Variants in GCN1 observed in about 807,000 individuals in gnomAD.
The protein encoded by GCN1 is stalled ribosome sensor GCN1.
Under a neutral mutation model 288.4 loss-of-function variants are expected in GCN1, and 90 were observed. The ratio of observed to expected loss-of-function variants is 0.31; its 90% CI spans 0.26 to 0.37. GCN1 has a LOEUF of 0.37. Among genes scored for constraint, GCN1 ranks in the 10% least tolerant of loss-of-function variants. The pLI, the probability that GCN1 is intolerant of heterozygous loss-of-function variation, is 1.00. For synonymous variants in GCN1, 1,386 were observed against 1,420.2 expected, an observed-to-expected ratio of 0.98 and a Z score of 0.54; for missense variants, 2,586 against 3,419.9, an observed-to-expected ratio of 0.76 and a Z score of 6.08.
At position 120,153,666 on chromosome 12, in the gene GCN1, G is replaced by T; in HGVS notation, c.3867+78C>A. ...TTTCTGGCCCCTGCTCAGCCCTAGC[G>T]CCTGCCTCCCGTGTCTCCTTAGCGG... On this transcript the variant is annotated intron_variant, in intron 32 of 57. Coordinates refer to ENST00000300648, the MANE Select transcript of GCN1 (RefSeq NM_006836.2). The surrounding 1 kb of genome is among the most constrained non-coding windows in gnomAD (Gnocchi z 4.4). The T allele has an allele frequency of 7.2e-7, 1 of 1,395,874 alleles. No individual in the cohort carries two copies. Among genetic ancestry groups the T allele is most frequent in the Non-Finnish European group, 1.0e-6 (1 of 998,542 alleles). The allele number at this position is 1,395,874 out of a possible 1,614,324, so 86.5% of individuals were successfully genotyped here.
chr12:120,192,862 T>C (rs1309870463), intron 1 of GCN1, among the ~76,000 whole-genome samples: 3 of 150,764 alleles, frequency 2.0e-5, no homozygotes, highest in East Asian at 2.0e-4. Flanking sequence ...CTACCCAACA[T>C]GGTGAAACCC....
rs755023313 is a variant in GCN1 at position 120,153,890 on chromosome 12, G to C, written c.3721C>G (p.Leu1241Val). Residue 1241 changes from leucine (L) to valine (V), a missense_variant, in exon 32 of 58, where the codon CTC becomes GTC. Leu to Val is a conservative substitution (Grantham distance 32, BLOSUM62 1). Around this residue, in one of 8 missense-constraint regions of GCN1, gnomAD observed 332 missense variants for 403.0 expected, o/e 0.82. Transcript: ENST00000300648. The surrounding 1 kb of genome is among the most constrained non-coding windows in gnomAD (Gnocchi z 4.4). Reference sequence around the variant, plus strand: ...TCCAAATACTGGGAGAGCTTGTTGAGGGCCAACGCCAAGCCACACCTGGGA... The same window carrying C: ...TCCAAATACTGGGAGAGCTTGTTGACGGCCAACGCCAAGCCACACCTGGGA... ...WEARCGLALA[L>V]NKLSQYLDSS... The C allele has an allele frequency of 6.2e-7, 1 of 1,614,008 alleles. No homozygotes were observed. Among genetic ancestry groups the C allele is most frequent in the Non-Finnish European group, 8.5e-7 (1 of 1,179,918 alleles).
chr12:120,161,712 A>G, intron 21 of GCN1, 129 bp from the exon 22 acceptor site: 1 of 894,218 alleles, frequency 1.1e-6, no homozygotes, highest in South Asian at 1.5e-5. Context: ...TACTGGACAC[A>G]CTTAAATACC....
intron 47 of GCN1, 96 bp downstream of exon 47, chr12:120,138,227 C>T (rs757052783): frequency 1.2e-4 from 112 of 955,822 alleles, no homozygotes; most frequent in Admixed American, 1.4e-4. Context: ...CTCCCCCAGC[C>T]CTCCAACATC....
chr12:120,151,088 T>C (rs1482947288), intron 34 of GCN1, 57 bp downstream of exon 34: 9 of 1,585,350 alleles, frequency 5.7e-6, no homozygotes, highest in Non-Finnish European at 7.7e-6. Context: ...TTCCTTCCTC[T>C]GGCAACCTGG....
intron 51 of GCN1, among the ~76,000 whole-genome samples, chr12:120,135,556 T>G (rs532524473): frequency 6.6e-6 from 1 of 151,864 alleles, no homozygotes; most frequent in African/African-American, 2.4e-5. Flanking sequence ...AGAGACAGGG[T>G]TTCTCCATGT....
chr12:120,150,139 C>T, intron 34 of GCN1, 96 bp from the exon 35 acceptor site: 1 of 1,254,094 alleles, frequency 8.0e-7, no homozygotes, highest in East Asian at 2.5e-5. Context: ...CCACCTCCCA[C>T]CCCTCTGGAA....
At chr12:120,136,918 G>A (rs1032550185) in intron 50 of GCN1, among the ~76,000 whole-genome samples, 186 bp from the exon 51 acceptor site, 5 of 152,124 alleles carry the variant, frequency 3.3e-5, no homozygotes, top group East Asian at 1.9e-4. Context: ...GAGAAAAGAC[G>A]ACAAGGGCCC....
intron 16 of GCN1, among the ~76,000 whole-genome samples, chr12:120,164,936 A>G (rs1878054804): frequency 6.9e-6 from 1 of 145,524 alleles, no homozygotes; most frequent in African/African-American, 2.5e-5. Context: ...TATTTATTTT[A>G]TATATAATAT....
In GCN1 at chr12:120,164,737, AGGAAT is replaced by A. The variant is rs1168755698; in HGVS notation, c.1613-21_1613-17del. 3 of 1,572,954 alleles carry A rather than the reference AGGAAT, an allele frequency of 1.9e-6. No homozygotes were observed. On this transcript the variant is annotated splice_polypyrimidine_tract_variant and intron_variant, in intron 16 of 57. Coordinates refer to ENST00000300648, the MANE Select transcript of GCN1 (RefSeq NM_006836.2). The stretch of plus-strand genomic sequence containing the variant: ...GTACACAGGGCTTGGAGGGAAGAAA[AGGAAT>A]GGAAGTGTTTTTAAAATAGTTAAGT...
In GCN1 at chr12:120,148,244, G is replaced by A; in HGVS notation, c.4649C>T (p.Ser1550Phe). The A allele has an allele frequency of 6.2e-7, 1 of 1,614,060 alleles. No homozygotes were observed. The highest frequency in any genetic ancestry group is 8.5e-7 in the Non-Finnish European group (1 of 1,179,934). The change falls in exon 37 of 58, where the codon TCC becomes TTC. Residue 1550 changes from serine (S) to phenylalanine (F), a missense_variant. Physicochemically the swap from Ser to Phe is radical, Grantham distance 155. Transcript: ENST00000300648. ...TCCAGCCTTCTGGACTTTGACATGG[G>A]AGTCGGTCAGCACCTCCGTAAGCTT... ...VPKLTEVLTD[S>F]HVKVQKAGQQ...
At chr12:120,169,358 T>C (rs2139124613) in intron 15 of GCN1, among the ~76,000 whole-genome samples, 1 of 146,808 alleles carries the variant, frequency 6.8e-6, no homozygotes, top group Admixed American at 6.8e-5. Context: ...ATGAGAAAGC[T>C]CTTTCTGATG....
chr12:120,146,526 T>TG (rs1021747006), intron 38 of GCN1, among the ~76,000 whole-genome samples: 1 of 151,998 alleles, frequency 6.6e-6, no homozygotes, highest in Admixed American at 6.6e-5. Context: ...CCACCAAGCC[T>TG]GGTCTGTTTT....
Position 120,164,642 on chromosome 12 carries a change from G to A in GCN1, c.1688+4C>T, listed in dbSNP as rs771100657. On this transcript the variant is annotated splice_donor_region_variant and intron_variant, in intron 17 of 57. Coordinates refer to ENST00000300648, the MANE Select transcript of GCN1 (RefSeq NM_006836.2). ...AAAAGAAAAGGTAAGCCAGCCTCAC[G>A]TACTGAACTTTGTTGCCAGTGAGTC... The A allele has an allele frequency of 3.2e-5, 51 of 1,611,888 alleles. No individual in the cohort carries two copies. The highest frequency in any genetic ancestry group is 3.3e-5 in the South Asian group (3 of 91,042).
At chr12:120,178,985 G>A in intron 5 of GCN1, 35 bp from the exon 6 acceptor site, 1 of 1,556,840 alleles carries the variant, frequency 6.4e-7, no homozygotes. Context: ...GTCAAGGTGG[G>A]ACATGAGACT....
chr12:120,129,294 C>T lies in GCN1; in HGVS notation c.7872G>A (p.Gln2624=), dbSNP rs990871733. 1.2e-6 allele frequency: 2 copies of T among 1,613,806 alleles called. No homozygotes were observed. Among genetic ancestry groups the T allele is most frequent in the Non-Finnish European group, 1.7e-6 (2 of 1,179,852 alleles). Residue 2624 remains glutamine (Q), a synonymous_variant, in exon 57 of 58, where the codon CAG becomes CAA. Coordinates refer to ENST00000300648, the MANE Select transcript of GCN1 (RefSeq NM_006836.2). Reference sequence around the variant, plus strand: ...CTCCCACCTGAAACACCTCTTCACCCTGCCGCATCTTGAGGAGGTTGACAA... The same window carrying T: ...CTCCCACCTGAAACACCTCTTCACCTTGCCGCATCTTGAGGAGGTTGACAA... ...QAIVNLLKMR[Q]GEEVFQSLSK... is the part of the protein sequence containing the mutation.
chr12:120,138,503 C>T, intron 46 of GCN1, 88 bp from the exon 47 acceptor site: 1 of 1,043,002 alleles, frequency 9.6e-7, no homozygotes, highest in Non-Finnish European at 1.5e-6. Context: ...CACTTGTTTC[C>T]CTCCCTCCTG....
At chr12:120,136,918 G>C (rs1032550185) in intron 50 of GCN1, among the ~76,000 whole-genome samples, 186 bp from the exon 51 acceptor site, 2 of 152,124 alleles carry the variant, frequency 1.3e-5, no homozygotes, top group Non-Finnish European at 2.9e-5. Context: ...GAGAAAAGAC[G>C]ACAAGGGCCC....
At chr12:120,177,880 T>A in intron 7 of GCN1, 128 bp from the exon 8 acceptor site, 1 of 746,458 alleles carries the variant, frequency 1.3e-6, no homozygotes, top group South Asian at 1.5e-5. Context: ...GTGTTAAGCA[T>A]AGAGGTCCCA....
Sources: allele counts gnomAD v4.1 joint callset (sites outside exome capture counted in the v4.1 genomes callset), GRCh38; gene constraint gnomAD v4.1.1; regional missense constraint gnomAD v4.1.1; non-coding constraint Gnocchi (gnomAD v3.1); transcripts MANE v1.5; gene names NCBI Gene and HGNC (gene_info 2026-07-23, HGNC 2026-07-21).